SLC25A42: variants seen among roughly 807,000 people sequenced by gnomAD.
The protein encoded by SLC25A42 is mitochondrial coenzyme A transporter SLC25A42.
Under a neutral mutation model 34.7 loss-of-function variants are expected in SLC25A42, and 19 were observed. That is an observed-to-expected ratio of 0.55 (90% confidence interval 0.38 to 0.80). The LOEUF (loss-of-function observed/expected upper bound fraction) is 0.80. SLC25A42 is among the 30% of genes least tolerant of loss of function. The probability of loss-of-function intolerance (pLI) is 0.00; values close to 1 mark genes in which losing one functional copy is unlikely to be tolerated. For synonymous variants in SLC25A42, 205 were observed against 191.2 expected, an observed-to-expected ratio of 1.07 and a Z score of -0.59; for missense variants, 364 against 441.3, an observed-to-expected ratio of 0.82 and a Z score of 1.57.
chr19:19,084,322 C>T (rs1033643279), intron 1 of SLC25A42, among the ~76,000 whole-genome samples: 1 of 152,236 alleles, frequency 6.6e-6, no homozygotes, highest in African/African-American at 2.4e-5. Context: ...AGTTCAGCTT[C>T]TCCAGCCACC....
chr19:19,103,885 C>CTTATTTATTTAT (rs3040514), intron 3 of SLC25A42, among the ~76,000 whole-genome samples: 35 of 148,410 alleles, frequency 2.4e-4, no homozygotes, highest in African/African-American at 7.8e-4. Flanking sequence ...AAGGGACAGC[C>CTTATTTATTTAT]TTATTTATTT....
chr19:19,094,169 T>C (rs1022682360), intron 1 of SLC25A42, among the ~76,000 whole-genome samples: 3 of 152,190 alleles, frequency 2.0e-5, no homozygotes, highest in Admixed American at 2.0e-4. Flanking sequence ...CTGCACTCTT[T>C]GGAAAGAAGC....
At chr19:19,066,132 C>T (rs976864088) in intron 1 of SLC25A42, among the ~76,000 whole-genome samples, 1 of 152,240 alleles carries the variant, frequency 6.6e-6, no homozygotes, top group African/African-American at 2.4e-5. Flanking sequence ...GCTGGGATTA[C>T]AGGCGTGAGC....
chr19:19,076,834 G>GT (rs2059658030), intron 1 of SLC25A42, among the ~76,000 whole-genome samples: 1 of 151,924 alleles, frequency 6.6e-6, no homozygotes, highest in African/African-American at 2.4e-5. Context: ...CCCCCTAGAG[G>GT]TAACCAGTAT....
At chr19:19,103,297 G>A (rs533600462) in intron 3 of SLC25A42, among the ~76,000 whole-genome samples, 13 of 152,130 alleles carry the variant, frequency 8.5e-5, no homozygotes, top group African/African-American at 2.6e-4. Flanking sequence ...GTTTCGACAC[G>A]TTGGCCCCGC....
At chr19:19,100,743 C>T (rs1367172585) in intron 2 of SLC25A42, among the ~76,000 whole-genome samples, 1 of 152,182 alleles carries the variant, frequency 6.6e-6, no homozygotes, top group Non-Finnish European at 1.5e-5. Flanking sequence ...AGTGGCACCA[C>T]GGGGACAGGA....
At chr19:19,108,559 A>G (rs1409880936) in intron 7 of SLC25A42, among the ~76,000 whole-genome samples, 1 of 152,078 alleles carries the variant, frequency 6.6e-6, no homozygotes. Context: ...AAGAAAAAAA[A>G]AAAAAGTGAC....
chr19:19,106,595 A>C, intron 6 of SLC25A42: 1 of 425,346 alleles, frequency 2.4e-6, no homozygotes, highest in Non-Finnish European at 4.2e-6. Context: ...CTTAGATCAA[A>C]CCAAGGGTCT....
chr19:19,108,528 G>A (rs931226188), intron 7 of SLC25A42, among the ~76,000 whole-genome samples: 2 of 141,596 alleles, frequency 1.4e-5, no homozygotes, highest in Admixed American at 1.5e-4. Flanking sequence ...CAGCCTGGGT[G>A]TCAAAGTGAG....
chr19:19,065,196 G>A (rs1270563700), intron 1 of SLC25A42, among the ~76,000 whole-genome samples: 1 of 152,130 alleles, frequency 6.6e-6, no homozygotes, highest in Non-Finnish European at 1.5e-5. Flanking sequence ...GCAGGCTGGC[G>A]GTGGAGACGC....
intron 6 of SLC25A42, among the ~76,000 whole-genome samples, chr19:19,107,094 G>C (rs908322576): frequency 6.6e-6 from 1 of 152,080 alleles, no homozygotes; most frequent in Non-Finnish European, 1.5e-5. Context: ...AAGGCAGGAG[G>C]ATCGCTTGAG....
chr19:19,079,054 ATTTT>A (rs1266610577), intron 1 of SLC25A42, among the ~76,000 whole-genome samples: 1 of 149,672 alleles, frequency 6.7e-6, no homozygotes, highest in African/African-American at 2.5e-5. Flanking sequence ...ACAATTTTTT[ATTTT>A]TTTATTTTTA....
At chr19:19,084,109 C>T (rs1450390201) in intron 1 of SLC25A42, among the ~76,000 whole-genome samples, 1 of 152,094 alleles carries the variant, frequency 6.6e-6, no homozygotes, top group Non-Finnish European at 1.5e-5. Flanking sequence ...GCCCTGCACA[C>T]ACCTGCCCAT....
chr19:19,105,380 G>A, intron 4 of SLC25A42, 181 bp from the exon 5 acceptor site: 1 of 693,132 alleles, frequency 1.4e-6, no homozygotes, highest in Non-Finnish European at 2.4e-6. Context: ...GGCTGGGGTT[G>A]ATAATGTCAG....
At chr19:19,104,959 C>T (rs1255552915) in intron 4 of SLC25A42, 21 bp downstream of exon 4, 2 of 1,614,082 alleles carry the variant, frequency 1.2e-6, no homozygotes, top group Non-Finnish European at 1.7e-6. Flanking sequence ...ATGTCACCGC[C>T]CCGGCCTGGG....
chr19:19,082,373 T>A (rs2059685819), intron 1 of SLC25A42, among the ~76,000 whole-genome samples: 1 of 152,148 alleles, frequency 6.6e-6, no homozygotes, highest in Non-Finnish European at 1.5e-5. Flanking sequence ...TTCGTTCTGG[T>A]CCTTTTCCTT....
chr19:19,104,084 C>CT (rs928562586), intron 3 of SLC25A42, among the ~76,000 whole-genome samples: 4 of 151,756 alleles, frequency 2.6e-5, no homozygotes, highest in Middle Eastern at 3.4e-3. Context: ...TTTTTTTGTA[C>CT]TTTTTTTTAG....
At chr19:19,101,928 C>A (rs575299269) in intron 3 of SLC25A42, 42 bp downstream of exon 3, 5 of 1,403,364 alleles carry the variant, frequency 3.6e-6, no homozygotes, top group South Asian at 2.4e-5. Flanking sequence ...AGCTGCCAGG[C>A]GGTCACCTCC....
intron 1 of SLC25A42, among the ~76,000 whole-genome samples, 185 bp downstream of exon 1, chr19:19,064,300 A>G (rs1042482530): frequency 4.7e-5 from 7 of 149,344 alleles, no homozygotes; most frequent in South Asian, 2.1e-4. Context: ...CACGCCTGAC[A>G]CCACGTCCCT....
Sources: gnomAD v4.1 joint callset for allele counts (sites outside exome capture counted in the v4.1 genomes callset) on GRCh38, gnomAD v4.1.1 for gene constraint, MANE v1.5 for transcripts, NCBI Gene and HGNC (gene_info 2026-07-23, HGNC 2026-07-21) for gene names.